Variants in RARB observed in about 807,000 individuals in gnomAD.
The protein encoded by RARB is HBV-activated protein.
RARB carries 17 observed loss-of-function variants against 51.9 expected under a neutral mutation model. The observed-to-expected ratio is 0.33, with a 90% confidence interval of 0.22 to 0.49. RARB has a LOEUF of 0.49. Ranked by LOEUF, RARB falls within the 20% of genes least tolerant of loss-of-function variation. The probability of loss-of-function intolerance (pLI) is 0.99; values close to 1 mark genes in which losing one functional copy is unlikely to be tolerated. For missense variants in RARB, 369 were observed against 550.8 expected, an observed-to-expected ratio of 0.67 and a Z score of 3.30; for synonymous variants, 215 against 195.4, an observed-to-expected ratio of 1.10 and a Z score of -0.84.
At chr3:25,005,456 G>C (rs1329857117) in intron 2 of RARB, among the ~76,000 whole-genome samples, 1 of 152,142 alleles carries the variant, frequency 6.6e-6, no homozygotes, top group African/African-American at 2.4e-5. Flanking sequence ...CGCTTAAAGT[G>C]CCAGCAAGTT....
chr3:25,435,369 G>A (rs1352999714), intron 1 of RARB, among the ~76,000 whole-genome samples: 1 of 152,170 alleles, frequency 6.6e-6, no homozygotes, highest in Non-Finnish European at 1.5e-5. Flanking sequence ...CATTTCCAGA[G>A]CAAATGAAGA....
At chr3:25,358,065 G>C (rs1705806476) in intron 5 of RARB, among the ~76,000 whole-genome samples, 2 of 151,796 alleles carry the variant, frequency 1.3e-5, no homozygotes, top group African/African-American at 4.8e-5. Flanking sequence ...GTAGCTTGAT[G>C]GGAATAACAT....
At chr3:25,194,002 A>G (rs1701167087) in intron 5 of RARB, among the ~76,000 whole-genome samples, 1 of 151,960 alleles carries the variant, frequency 6.6e-6, no homozygotes, top group East Asian at 1.9e-4. Flanking sequence ...ATACGGAAGC[A>G]GCCTAGGTGT....
At chr3:25,053,619 G>C (rs1214691438) in intron 2 of RARB, among the ~76,000 whole-genome samples, 1 of 152,136 alleles carries the variant, frequency 6.6e-6, no homozygotes, top group Non-Finnish European at 1.5e-5. Flanking sequence ...TTTTGAAAGT[G>C]GCTTGCAAAC....
In RARB at chr3:25,594,522, C is replaced by T. The variant is rs1049253478; in HGVS notation, c.994C>T (p.Arg332Cys). Reference sequence around the variant, plus strand: ...AATACTTTATTCCTGGTATCCAGACCGCCAGGACCTTGAGGAACCGACAAA... The same window carrying T: ...AATACTTTATTCCTGGTATCCAGACTGCCAGGACCTTGAGGAACCGACAAA... ...LSAICLICGD[R>C]QDLEEPTKVD... Residue 332 changes from arginine (R) to cysteine (C), a missense_variant and splice_region_variant, in exon 7 of 8, where the codon CGC (arginine) becomes TGC (cysteine). Physicochemically the swap from Arg to Cys is radical, Grantham distance 180. Transcript: ENST00000330688. 6.2e-6 allele frequency: 10 copies of T among 1,603,150 alleles called. No individual in the cohort carries two copies. Among genetic ancestry groups the T allele is most frequent in the South Asian group, 2.2e-5 (2 of 89,118 alleles).
intron 2 of RARB, among the ~76,000 whole-genome samples, chr3:25,015,024 A>G (rs559979367): frequency 6.6e-6 from 1 of 152,290 alleles, no homozygotes; most frequent in East Asian, 1.9e-4. Flanking sequence ...TTTATCTACA[A>G]ACAGATTTGA....
chr3:25,087,854 A>G (rs1024148110), intron 3 of RARB, among the ~76,000 whole-genome samples: 3 of 151,672 alleles, frequency 2.0e-5, no homozygotes, highest in African/African-American at 7.3e-5. Flanking sequence ...TTGCCCTGTG[A>G]TGGTATTTCC....
chr3:24,986,826 T>G (rs1012743718), intron 2 of RARB, among the ~76,000 whole-genome samples: 2 of 152,102 alleles, frequency 1.3e-5, no homozygotes, highest in Non-Finnish European at 2.9e-5. Context: ...TGCTGTGCGG[T>G]GAACTCCTAC....
chr3:24,874,932 G>T (rs1016017372), intron 2 of RARB, among the ~76,000 whole-genome samples: 2 of 151,628 alleles, frequency 1.3e-5, no homozygotes, highest in Admixed American at 1.3e-4. Flanking sequence ...CCTTTTAGTT[G>T]TTACATTAGA....
At chr3:25,583,578 A>T (rs967316472) in intron 5 of RARB, among the ~76,000 whole-genome samples, 3 of 152,236 alleles carry the variant, frequency 2.0e-5, no homozygotes, top group African/African-American at 7.2e-5. Context: ...GAGGCTCTCC[A>T]GGAAGGGTTG....
Position 24,913,433 on chromosome 3 carries a change from G to A in RARB, c.-380+54681G>A, listed in dbSNP as rs1335359125. ...TTTTTTTTTTTTTTGGTCAGAGATC[G>A]TCTATAGTACTAATTCAGAAGTATA... On this transcript the variant is annotated intron_variant, in intron 2 of 11. Transcript: ENST00000383772. Among the ~76,000 whole-genome samples the A allele has an allele frequency of 1.0e-4, 13 of 130,356 alleles. 1 individual carries two copies. The highest frequency in any genetic ancestry group is 5.4e-3 in the Middle Eastern group (1 of 186). The allele number at this position is 130,356 out of a possible 152,430, so 85.5% of individuals were successfully genotyped here.
At chr3:24,864,426 T>C (rs1177635241) in intron 2 of RARB, among the ~76,000 whole-genome samples, 1 of 152,206 alleles carries the variant, frequency 6.6e-6, no homozygotes. Context: ...TTAGGCTCCA[T>C]GTGTTGCTGG....
intron 4 of RARB, among the ~76,000 whole-genome samples, chr3:25,165,915 T>A (rs148755935): frequency 1.3e-5 from 2 of 152,208 alleles, no homozygotes; most frequent in Non-Finnish European, 2.9e-5. Context: ...CTCTGTTTCT[T>A]TAGCAGATGG....
intron 3 of RARB, among the ~76,000 whole-genome samples, chr3:25,107,592 C>T (rs1699530783): frequency 6.6e-6 from 1 of 152,266 alleles, no homozygotes; most frequent in African/African-American, 2.4e-5. Flanking sequence ...CCAGTGGATG[C>T]CTGAAACCAC....
At chr3:24,971,179 C>T (rs1477784467) in intron 2 of RARB, among the ~76,000 whole-genome samples, 1 of 151,896 alleles carries the variant, frequency 6.6e-6, no homozygotes, top group Non-Finnish European at 1.5e-5. Context: ...AGGTAACATG[C>T]CAATTGTCTC....
chr3:25,283,686 A>G (rs1703579403), intron 5 of RARB, among the ~76,000 whole-genome samples: 1 of 152,218 alleles, frequency 6.6e-6, no homozygotes, highest in Admixed American at 6.5e-5. Flanking sequence ...CAATACGGTC[A>G]TCTGCTGTGG....
intron 5 of RARB, among the ~76,000 whole-genome samples, chr3:25,341,378 C>G (rs749140182): frequency 8.5e-5 from 13 of 152,154 alleles, no homozygotes; most frequent in Non-Finnish European, 1.5e-4. Context: ...TTGTGAAATA[C>G]TGAGTAGAAA....
intron 3 of RARB, among the ~76,000 whole-genome samples, chr3:25,066,429 G>A (rs1698663536): frequency 6.6e-6 from 1 of 152,154 alleles, no homozygotes; most frequent in African/African-American, 2.4e-5. Context: ...GGCCATTTGA[G>A]TAAATAATTT....
intron 2 of RARB, among the ~76,000 whole-genome samples, chr3:24,950,230 A>G (rs918321452): frequency 3.3e-5 from 5 of 152,192 alleles, no homozygotes; most frequent in African/African-American, 7.2e-5. Context: ...TCTCTCCTAC[A>G]TATGTCTCGA....
Sources: allele counts gnomAD v4.1 joint callset (sites outside exome capture counted in the v4.1 genomes callset), GRCh38; gene constraint gnomAD v4.1.1; transcripts MANE v1.5; gene names NCBI Gene and HGNC (gene_info 2026-07-23, HGNC 2026-07-21).